GARNL3: variants seen among roughly 807,000 people sequenced by gnomAD.
GARNL3 encodes GTPase activating Rap/RanGAP domain like 3.
GARNL3 carries 63 observed loss-of-function variants against 125.0 expected under a neutral mutation model. The observed-to-expected ratio is 0.50, with a 90% CI of 0.41 to 0.62. GARNL3 has a LOEUF of 0.62. Among genes scored for constraint, GARNL3 ranks in the 20% least tolerant of loss-of-function variants. GARNL3 has a pLI of 0.00. For synonymous variants in GARNL3, 439 were observed against 457.5 expected (o/e 0.96, Z 0.52); for missense variants, 994 against 1,244.0 (o/e 0.80, Z 3.02).
intron 22 of GARNL3, among the ~76,000 whole-genome samples, chr9:127,377,529 G>A (rs1041208896): frequency 3.3e-5 from 5 of 152,162 alleles, no homozygotes; most frequent in Admixed American, 2.6e-4. Context: ...GCTCACACCC[G>A]TAATCCCAGC....
chr9:127,387,474 G>T, intron 25 of GARNL3, 143 bp downstream of exon 25: 1 of 859,580 alleles, frequency 1.2e-6, no homozygotes, highest in Non-Finnish European at 1.7e-6. Context: ...TGAGCGTGGT[G>T]GCTCACCCCT....
chr9:127,333,855 CT>C (rs1422902067), intron 9 of GARNL3, among the ~76,000 whole-genome samples: 2 of 152,100 alleles, frequency 1.3e-5, no homozygotes, highest in Non-Finnish European at 2.9e-5. Context: ...ATTTTATTCT[CT>C]GTCATTAAGG....
chr9:127,351,091 A>C (rs1204667237), intron 17 of GARNL3, among the ~76,000 whole-genome samples: 1 of 152,192 alleles, frequency 6.6e-6, no homozygotes, highest in African/African-American at 2.4e-5. Flanking sequence ...AATTATGAAA[A>C]ATTTTGTGAT....
upstream of GARNL3, chr9:127,264,155 C>T: frequency 1.9e-6 from 1 of 531,650 alleles, no homozygotes; most frequent in African/African-American, 1.9e-5. Flanking sequence ...TTTTGTGGAT[C>T]TCATGTGGTT....
chr9:127,354,713 G>GATGTC (rs1273232140), intron 19 of GARNL3, among the ~76,000 whole-genome samples: 13 of 152,206 alleles, frequency 8.5e-5, no homozygotes, highest in Non-Finnish European at 1.9e-4. Flanking sequence ...TACTTTAATT[G>GATGTC]ATGTCATGTC....
Position 127,266,783 on chromosome 9 carries a change from T to C in GARNL3, c.144+1762T>C, listed in dbSNP as rs1192474647. Among the ~76,000 whole-genome samples, 1 of 152,198 alleles carries C rather than the reference T, an allele frequency of 6.6e-6. No homozygotes were observed. The highest frequency in any genetic ancestry group is 2.4e-5 in the African/African-American group (1 of 41,440). On this transcript the variant is annotated intron_variant, in intron 1 of 27. Transcript: ENST00000373387. This position sits in a 1 kb window ranked among gnomAD's most constrained non-coding sequence, Gnocchi z 4.0. Reference sequence around the variant, plus strand: ...AGAGCCTTGACTGTCAGGTGAACACTTTGGACTTGGCCTAGCAAGTAATAT... The same window carrying C: ...AGAGCCTTGACTGTCAGGTGAACACCTTGGACTTGGCCTAGCAAGTAATAT...
intron 2 of GARNL3, among the ~76,000 whole-genome samples, chr9:127,253,301 T>C (rs973457438): frequency 6.6e-6 from 1 of 152,210 alleles, no homozygotes; most frequent in Non-Finnish European, 1.5e-5. Context: ...GCATGATGGC[T>C]CTCCTCAGAT....
chr9:127,230,004 C>T (rs2062974463), intron 1 of GARNL3, among the ~76,000 whole-genome samples: 1 of 152,230 alleles, frequency 6.6e-6, no homozygotes, highest in Admixed American at 6.5e-5. Flanking sequence ...AGGCATTAGG[C>T]CTCCAGGCAG....
In GARNL3 at chr9:127,283,772, T is replaced by A. The variant is rs115193609; in HGVS notation, c.145-7396T>A. On this transcript the variant is annotated intron_variant, in intron 1 of 27. Transcript: ENST00000373387. ...GTAATCACTCACAGTGCCTGGCAGA[T>A]CCTAGCCAAATGATCACTTAAGTCG... is the stretch of plus-strand genomic sequence containing the variant. Among the ~76,000 whole-genome samples the A allele has an allele frequency of 5.4e-3, 819 of 152,342 alleles. 10 individuals are homozygous for A. The highest frequency in any genetic ancestry group is 0.019 in the African/African-American group (784 of 41,582).
intron 13 of GARNL3, among the ~76,000 whole-genome samples, chr9:127,341,679 A>G (rs1319899495): frequency 6.6e-6 from 1 of 152,164 alleles, no homozygotes; most frequent in Non-Finnish European, 1.5e-5. Context: ...GTAACCACCA[A>G]TTGGAGATCA....
At chr9:127,240,972 T>C (rs924219296) in intron 1 of GARNL3, among the ~76,000 whole-genome samples, 3 of 152,262 alleles carry the variant, frequency 2.0e-5, no homozygotes, top group African/African-American at 7.2e-5. Flanking sequence ...ATGTAATCAG[T>C]GTGAAAAACT....
chr9:127,315,055 A>G (rs769021659), intron 4 of GARNL3, among the ~76,000 whole-genome samples: 7 of 152,252 alleles, frequency 4.6e-5, no homozygotes, highest in Non-Finnish European at 8.8e-5. Context: ...TGAAGGCAGC[A>G]TAGGGGCAGG....
chr9:127,313,338 C>G, intron 3 of GARNL3, 103 bp from the exon 4 acceptor site: 1 of 815,406 alleles, frequency 1.2e-6, no homozygotes, highest in African/African-American at 1.7e-5. Context: ...ATTATTGTTC[C>G]CTGAGCATGT....
intron 1 of GARNL3, among the ~76,000 whole-genome samples, chr9:127,276,535 C>G (rs1372593854): frequency 6.6e-6 from 1 of 152,194 alleles, no homozygotes; most frequent in Non-Finnish European, 1.5e-5. Context: ...ATATTGAGTC[C>G]AGATTTCTAT....
chr9:127,387,096 G>A (rs1388629648), intron 24 of GARNL3, 97 bp from the exon 25 acceptor site: 8 of 1,283,122 alleles, frequency 6.2e-6, no homozygotes, highest in African/African-American at 3.0e-5. Flanking sequence ...TCCAAGGATG[G>A]GGACCAGTTG....
At chr9:127,248,596 CT>C (rs745331884) in intron 2 of GARNL3, among the ~76,000 whole-genome samples, 575 of 74,532 alleles carry the variant, frequency 7.7e-3, no homozygotes, top group Non-Finnish European at 0.01. Context: ...TTTTTCTTTT[CT>C]TTTTTTTTTT....
chr9:127,230,483 C>T (rs1047278662), intron 1 of GARNL3, among the ~76,000 whole-genome samples: 7 of 151,904 alleles, frequency 4.6e-5, no homozygotes, highest in South Asian at 2.1e-4. Context: ...GCAGAAACCC[C>T]GTCTCTACTA....
At chr9:127,375,467 G>GAAAAA (rs1176190521) in intron 22 of GARNL3, among the ~76,000 whole-genome samples, 2 of 78,068 alleles carry the variant, frequency 2.6e-5, no homozygotes, top group African/African-American at 4.5e-5. Flanking sequence ...CTCTGTCTCA[G>GAAAAA]AAAAAAAAAA....
chr9:127,285,733 A>G (rs1343992262), intron 1 of GARNL3, among the ~76,000 whole-genome samples: 1 of 152,168 alleles, frequency 6.6e-6, no homozygotes, highest in Non-Finnish European at 1.5e-5. Context: ...GGGTGGTTCT[A>G]ATTATCCATA....
Sources: gnomAD v4.1 joint callset for allele counts (sites outside exome capture counted in the v4.1 genomes callset) on GRCh38, gnomAD v4.1.1 for gene constraint, Gnocchi (gnomAD v3.1) non-coding constraint, MANE v1.5 for transcripts, NCBI Gene and HGNC (gene_info 2026-07-23, HGNC 2026-07-21) for gene names.